The following TBX15 variants were observed in gnomAD, a reference collection of about 807,000 sequenced individuals.
TBX15 encodes the protein T-box transcription factor 15.
TBX15 carries 18 observed loss-of-function variants against 53.9 expected under a neutral mutation model. The observed-to-expected ratio is 0.33, with a 90% CI of 0.23 to 0.49. The LOEUF is 0.49. Among genes scored for constraint, TBX15 ranks in the 20% least tolerant of loss-of-function variants. The pLI is 0.98. For missense variants in TBX15, 692 were observed against 749.5 expected, an observed-to-expected ratio of 0.92 and a Z score of 0.90; for synonymous variants, 295 against 278.0, an observed-to-expected ratio of 1.06 and a Z score of -0.61.
intron 6 of TBX15, among the ~76,000 whole-genome samples, chr1:118,908,270 C>T (rs886787410): frequency 6.6e-6 from 1 of 150,856 alleles, no homozygotes; most frequent in African/African-American, 2.4e-5. Flanking sequence ...TTCCTGGCAC[C>T]ATGGAAAAAA....
intron 2 of TBX15, among the ~76,000 whole-genome samples, chr1:118,926,862 C>T (rs541977359): frequency 5.0e-5 from 7 of 140,818 alleles, no homozygotes; most frequent in Admixed American, 1.4e-4. Flanking sequence ...TGAGCCACCA[C>T]GCCCAGCTAA....
intron 3 of TBX15, 29 bp from the exon 4 acceptor site, chr1:118,924,846 C>T (rs1655541591): frequency 1.9e-6 from 3 of 1,613,398 alleles, no homozygotes; most frequent in Non-Finnish European, 2.5e-6. Flanking sequence ...GAGGAAAATT[C>T]AGAGACAGAG....
chr1:118,886,913 T>C (rs1007249359), intron 7 of TBX15, among the ~76,000 whole-genome samples: 6 of 152,196 alleles, frequency 3.9e-5, no homozygotes, highest in African/African-American at 1.4e-4. Flanking sequence ...GTGTGAATGT[T>C]AGAGCTAGAC....
chr1:118,943,522 A>G (rs1656251306), intron 1 of TBX15, among the ~76,000 whole-genome samples: 1 of 152,206 alleles, frequency 6.6e-6, no homozygotes, highest in African/African-American at 2.4e-5. Context: ...GATAAGGTCT[A>G]AAAGAAGAGA....
chr1:118,979,707 C>T (rs1351977571), intron 1 of TBX15, among the ~76,000 whole-genome samples: 1 of 152,218 alleles, frequency 6.6e-6, no homozygotes, highest in Non-Finnish European at 1.5e-5. Flanking sequence ...CCCAGGGTCC[C>T]CACATTTCTC....
At chr1:118,908,377 C>CA (rs66887595) in intron 6 of TBX15, among the ~76,000 whole-genome samples, 4,934 of 132,234 alleles carry the variant, frequency 0.037, 252 homozygotes, top group African/African-American at 0.12. Flanking sequence ...AGCACAAGAC[C>CA]AAAAAAAAAA....
At chr1:118,954,481 T>A (rs1486606588) in intron 1 of TBX15, among the ~76,000 whole-genome samples, 1 of 152,162 alleles carries the variant, frequency 6.6e-6, no homozygotes, top group Non-Finnish European at 1.5e-5. Context: ...TACAGCAATG[T>A]CTAATCAAAA....
At chr1:118,920,311 GA>G (rs1329781114) in intron 5 of TBX15, among the ~76,000 whole-genome samples, 1 of 151,986 alleles carries the variant, frequency 6.6e-6, no homozygotes, top group Non-Finnish European at 1.5e-5. Context: ...ATTTGCAGCT[GA>G]AAAAAGGAAA....
chr1:118,907,098 G>A (rs17022747), intron 6 of TBX15, among the ~76,000 whole-genome samples: 31,602 of 152,086 alleles, frequency 0.21, 4,040 homozygotes, highest in East Asian at 0.53. Flanking sequence ...AATTCCCTGG[G>A]CTACAGAAGG....
At chr1:118,920,129 A>G (rs1406348266) in intron 5 of TBX15, among the ~76,000 whole-genome samples, 2 of 152,186 alleles carry the variant, frequency 1.3e-5, no homozygotes, top group Admixed American at 6.5e-5. Flanking sequence ...CAAGTCTCCT[A>G]ACTCCCAACT....
intron 6 of TBX15, among the ~76,000 whole-genome samples, chr1:118,907,234 T>C (rs1438424302): frequency 1.3e-5 from 2 of 152,062 alleles, no homozygotes; most frequent in African/African-American, 4.8e-5. Context: ...CTAGATGCAA[T>C]GGAGGCTAGG....
chr1:118,931,872 G>C, intron 1 of TBX15, 40 bp from the exon 2 acceptor site: 1 of 1,542,002 alleles, frequency 6.5e-7, no homozygotes, highest in Admixed American at 2.0e-5. Context: ...AGAAACTGCT[G>C]AGCTCCCCTC....
intron 6 of TBX15, among the ~76,000 whole-genome samples, chr1:118,903,803 T>A (rs1654720590): frequency 6.6e-6 from 1 of 152,208 alleles, no homozygotes; most frequent in African/African-American, 2.4e-5. Context: ...TCTTGTTTTT[T>A]AAAAAAGGAA....
chr1:118,923,408 C>T (rs748662087), intron 5 of TBX15, 28 bp downstream of exon 5: 1 of 1,613,382 alleles, frequency 6.2e-7, no homozygotes, highest in African/African-American at 1.3e-5. Flanking sequence ...ACAGATGTAG[C>T]AGAAGACTCT....
chr1:118,899,068 T>A lies in TBX15; in HGVS notation c.984A>T (p.Thr328=). 6.2e-7 allele frequency: 1 copy of A among 1,613,582 alleles called. No homozygotes were observed. Among genetic ancestry groups the A allele is most frequent in the Non-Finnish European group, 8.5e-7 (1 of 1,179,724 alleles). ...TYAFWRPPVR[T]LTFEDFTTMQ... ...TGGTGGTGAAGTCTTCGAAGGTGAG[T>A]GTGCGCACAGGAGGTCTCCAGAATG... The change falls in exon 7 of 8, where the codon ACA becomes ACT. Residue 328 remains threonine, a synonymous_variant. Coordinates refer to ENST00000369429, the MANE Select transcript of TBX15 (RefSeq NM_001330677.2).
At chr1:118,894,766 G>C (rs1654365813) in intron 7 of TBX15, among the ~76,000 whole-genome samples, 1 of 152,168 alleles carries the variant, frequency 6.6e-6, no homozygotes. Flanking sequence ...TTTTGGACAT[G>C]CTGAGCATAA....
intron 2 of TBX15, among the ~76,000 whole-genome samples, chr1:118,931,028 T>C (rs1440465106): frequency 2.0e-5 from 3 of 152,032 alleles, no homozygotes; most frequent in African/African-American, 7.3e-5. Context: ...AATAAAGGAG[T>C]AGCTTAACTA....
chr1:118,933,312 T>A (rs1050127998), intron 1 of TBX15, among the ~76,000 whole-genome samples: 1 of 152,060 alleles, frequency 6.6e-6, no homozygotes, highest in Non-Finnish European at 1.5e-5. Flanking sequence ...TCCTCACCTG[T>A]CACTTGTGAA....
chr1:118,973,649 A>T (rs1264557713), intron 1 of TBX15, among the ~76,000 whole-genome samples: 2 of 152,160 alleles, frequency 1.3e-5, no homozygotes, highest in Non-Finnish European at 2.9e-5. Flanking sequence ...AGAAGAATGT[A>T]GTCAAGCCCC....
Sources: allele counts gnomAD v4.1 joint callset (sites outside exome capture counted in the v4.1 genomes callset), GRCh38; gene constraint gnomAD v4.1.1; transcripts MANE v1.5; gene names NCBI Gene and HGNC (gene_info 2026-07-23, HGNC 2026-07-21).